The following PATJ variants were observed in gnomAD, a reference collection of about 807,000 sequenced individuals.
PATJ encodes the protein PATJ crumbs cell polarity complex component.
In PATJ, 190 loss-of-function variants were observed where a neutral mutation model predicts 224.9. That is an observed-to-expected ratio of 0.84 (90% CI 0.75 to 0.95). PATJ has a LOEUF of 0.95. PATJ is among the 40% of genes least tolerant of loss of function. The pLI is 0.00. For missense variants in PATJ, 2,121 were observed against 2,270.3 expected, an observed-to-expected ratio of 0.93 and a Z score of 1.34; for synonymous variants, 769 against 820.3, an observed-to-expected ratio of 0.94 and a Z score of 1.07.
chr1:61,783,423 C>CTTTTTTTTTTTTTT (rs79615768), intron 7 of PATJ, among the ~76,000 whole-genome samples: 6 of 119,220 alleles, frequency 5.0e-5, no homozygotes, highest in South Asian at 2.7e-4. Flanking sequence ...CTTTTCTTTT[C>CTTTTTTTTTTTTTT]TTTTTTTTTT....
intron 20 of PATJ, among the ~76,000 whole-genome samples, chr1:61,867,018 G>A (rs1382974803): frequency 6.6e-6 from 1 of 152,150 alleles, no homozygotes; most frequent in Non-Finnish European, 1.5e-5. Flanking sequence ...GGTCACTCTC[G>A]TTGCCATCTT....
At chr1:61,913,600 A>G (rs994068591) in intron 25 of PATJ, among the ~76,000 whole-genome samples, 2 of 152,236 alleles carry the variant, frequency 1.3e-5, no homozygotes, top group African/African-American at 4.8e-5. Flanking sequence ...TATAAAATTA[A>G]ACTGGTTCGT....
At chr1:61,854,035 A>G (rs1467191707) in intron 17 of PATJ, among the ~76,000 whole-genome samples, 2 of 152,182 alleles carry the variant, frequency 1.3e-5, no homozygotes, top group Non-Finnish European at 2.9e-5. Flanking sequence ...AATATGGTAT[A>G]TTTGGTTAAA....
chr1:62,016,263 A>G (rs1362287745), intron 28 of PATJ, among the ~76,000 whole-genome samples: 2 of 152,224 alleles, frequency 1.3e-5, no homozygotes, highest in African/African-American at 4.8e-5. Flanking sequence ...TTTTCATTTC[A>G]TATTTTAAAG....
At chr1:62,007,012 T>A (rs2148287735) in intron 28 of PATJ, among the ~76,000 whole-genome samples, 1 of 152,312 alleles carries the variant, frequency 6.6e-6, no homozygotes, top group Admixed American at 6.5e-5. Flanking sequence ...TATTTTTATA[T>A]CTAAATACAG....
intron 31 of PATJ, 146 bp from the exon 32 acceptor site, chr1:62,079,304 T>C (rs1658863383): frequency 1.7e-6 from 1 of 600,488 alleles, no homozygotes; most frequent in African/African-American, 1.9e-5. Context: ...TAAATCATCC[T>C]AACTTCTTGC....
At chr1:61,801,446 A>G (rs1422984400) in intron 11 of PATJ, among the ~76,000 whole-genome samples, 177 bp from the exon 12 acceptor site, 2 of 152,178 alleles carry the variant, frequency 1.3e-5, no homozygotes, top group South Asian at 4.1e-4. Flanking sequence ...TCTATTACAC[A>G]TGGCATTTTG....
At chr1:61,914,851 A>C (rs1046637155) in intron 26 of PATJ, among the ~76,000 whole-genome samples, 187 bp downstream of exon 26, 3 of 152,194 alleles carry the variant, frequency 2.0e-5, no homozygotes, top group Admixed American at 6.5e-5. Context: ...AACCTGGTGC[A>C]GCATAGATGC....
intron 1 of PATJ, among the ~76,000 whole-genome samples, chr1:61,748,130 C>T (rs1408078537): frequency 4.6e-5 from 7 of 151,668 alleles, no homozygotes; most frequent in East Asian, 3.9e-4. Flanking sequence ...CCACCCGCCT[C>T]GGCCTCCCAA....
At chr1:61,941,208 A>C (rs1677768293) in intron 27 of PATJ, among the ~76,000 whole-genome samples, 1 of 152,218 alleles carries the variant, frequency 6.6e-6, no homozygotes, top group East Asian at 1.9e-4. Flanking sequence ...AACTAAAAAT[A>C]ATAGCTTTTA....
chr1:61,780,451 C>G lies in PATJ; in HGVS notation c.849+5117C>G, dbSNP rs78193430. Among the ~76,000 whole-genome samples, 221 of 152,194 alleles carry G rather than the reference C, an allele frequency of 1.5e-3. 8 individuals are homozygous for G. In the East Asian group the frequency reaches 0.039, roughly 27 times the overall value. ...CAGCACTGCAGCCTGGGCGACAGAG[C>G]AAGACTCTTTCTCAAAACAAACAAA... On this transcript the variant is annotated intron_variant, in intron 7 of 43. Transcript: ENST00000642238.
chr1:61,829,777 T>C (rs1263861359), intron 16 of PATJ, among the ~76,000 whole-genome samples: 1 of 152,252 alleles, frequency 6.6e-6, no homozygotes, highest in Non-Finnish European at 1.5e-5. Flanking sequence ...TCTTAAACCC[T>C]ATCTGGTTAG....
chr1:62,153,388 G>A lies in PATJ; in HGVS notation c.5409G>A (p.Glu1803=). 3.2e-6 allele frequency: 4 copies of A among 1,231,726 alleles called. No homozygotes were observed. Among genetic ancestry groups the A allele is most frequent in the Non-Finnish European group, 4.1e-6 (4 of 987,600 alleles). The allele number at this position is 1,231,726 out of a possible 1,614,324, so 76.3% of individuals were successfully genotyped here. A position where few individuals can be genotyped will look rare whatever the true frequency, so the allele number is the denominator to read the frequency against. The part of the protein sequence containing the change: ...ETPPPKIITL[E]KGSEGLGFSI... Reference sequence around the variant, plus strand: ...CTCCACCTAAGATTATTACTTTGGAGAAAGGCTCTGAAGGCTTGGGGTTTA... The same window carrying A: ...CTCCACCTAAGATTATTACTTTGGAAAAAGGCTCTGAAGGCTTGGGGTTTA... Residue 1803 remains glutamate (E), a synonymous_variant, in exon 43 of 44, where the codon GAG becomes GAA. Transcript: ENST00000642238.
At chr1:61,954,864 C>T (rs564993536) in intron 27 of PATJ, among the ~76,000 whole-genome samples, 2 of 151,820 alleles carry the variant, frequency 1.3e-5, no homozygotes, top group South Asian at 4.2e-4. Context: ...CAGCATTCTC[C>T]TGCCTCAGCC....
intron 28 of PATJ, among the ~76,000 whole-genome samples, chr1:62,001,028 A>G (rs1446629414): frequency 1.3e-4 from 20 of 151,316 alleles, no homozygotes; most frequent in Admixed American, 1.2e-3. Context: ...GTCCTTTTTG[A>G]TGGGGTTGTT....
At chr1:62,109,754 C>T (rs950645083) in intron 34 of PATJ, among the ~76,000 whole-genome samples, 4 of 152,038 alleles carry the variant, frequency 2.6e-5, no homozygotes, top group Admixed American at 6.6e-5. Context: ...TTTCTAAGTC[C>T]GCAAGTTATA....
chr1:62,026,153 G>A (rs1647860740), intron 29 of PATJ, among the ~76,000 whole-genome samples: 2 of 152,154 alleles, frequency 1.3e-5, no homozygotes, highest in South Asian at 4.1e-4. Flanking sequence ...TATTTTGGTA[G>A]TTTCTTCTAA....
At chr1:62,125,273 A>AAAAAAAAAAAAAAAAT (rs1166145137) in intron 39 of PATJ, among the ~76,000 whole-genome samples, 1 of 145,572 alleles carries the variant, frequency 6.9e-6, no homozygotes, top group African/African-American at 2.5e-5. Context: ...ACAAAAAAAA[A>AAAAAAAAAAAAAAAAT]ACGCCATTAG....
chr1:62,100,464 C>T (rs1662016586), intron 33 of PATJ: 9 of 711,104 alleles, frequency 1.3e-5, no homozygotes, highest in Non-Finnish European at 2.4e-5. Context: ...TAGGAACTCA[C>T]TCCCAAGATA....
Sources: gnomAD v4.1 joint callset for allele counts (sites outside exome capture counted in the v4.1 genomes callset) on GRCh38, gnomAD v4.1.1 for gene constraint, MANE v1.5 for transcripts, NCBI Gene and HGNC (gene_info 2026-07-23, HGNC 2026-07-21) for gene names.